MAVS: variants seen among roughly 807,000 people sequenced by gnomAD.
MAVS encodes mitochondrial antiviral signaling protein.
Under a neutral mutation model 30.2 loss-of-function variants are expected in MAVS, and 20 were observed. That is an observed-to-expected ratio of 0.66 (90% CI 0.47 to 0.96). MAVS has a LOEUF of 0.96. Ranked by LOEUF, MAVS falls within the 40% of genes least tolerant of loss-of-function variation. The pLI, the probability that MAVS is intolerant of heterozygous loss-of-function variation, is 0.00. For synonymous variants in MAVS, 278 were observed against 293.9 expected (o/e 0.95, Z 0.55); for missense variants, 624 against 701.1 (o/e 0.89, Z 1.24).
chr20:3,851,811 C>T (rs2089762333), intron 1 of MAVS, among the ~76,000 whole-genome samples: 1 of 151,830 alleles, frequency 6.6e-6, no homozygotes, highest in Non-Finnish European at 1.5e-5. Context: ...CAAAATTAAC[C>T]AGGTGTGGTG....
intron 1 of MAVS, among the ~76,000 whole-genome samples, chr20:3,847,130 A>G (rs2089715816): frequency 6.6e-6 from 1 of 152,106 alleles, no homozygotes; most frequent in Non-Finnish European, 1.5e-5. Context: ...ATCCGGGGAA[A>G]AGGGGGTAGG....
chr20:3,858,198 T>G (rs1338305032), intron 3 of MAVS, among the ~76,000 whole-genome samples: 2 of 152,020 alleles, frequency 1.3e-5, no homozygotes, highest in African/African-American at 4.8e-5. Context: ...TCCTCATTTC[T>G]TCTCCCCCAC....
At chr20:3,856,353 ATT>A (rs56232181) in intron 2 of MAVS, among the ~76,000 whole-genome samples, 4 of 101,416 alleles carry the variant, frequency 3.9e-5, no homozygotes, top group African/African-American at 4.2e-5. Flanking sequence ...TGCGCCCAGC[ATT>A]TTTTTTTTTT....
intron 3 of MAVS, among the ~76,000 whole-genome samples, chr20:3,860,373 ATTTTTTTTTT>A (rs36084316): frequency 1.6e-5 from 2 of 125,072 alleles, no homozygotes; most frequent in Non-Finnish European, 3.4e-5. Flanking sequence ...GATTCCTTCT[ATTTTTTTTTT>A]TTTTTTTTGA....
Position 3,852,008 on chromosome 20 carries a change from C to CT in MAVS, c.-67-2550_-67-2549insT, listed in dbSNP as rs1282702576. 1.1e-4 allele frequency among the ~76,000 whole-genome samples: 3 copies of CT among 26,322 alleles called. No homozygotes were observed. The African/African-American group carries it at 2.9e-3, about 25-fold the overall frequency. 17.3% of individuals were successfully genotyped at this position (26,322 alleles called of 152,430 possible). A position where few individuals can be genotyped will look rare whatever the true frequency, so the allele number is the denominator to read the frequency against. ...TAGCAGGCTTTTTTTTTTTTTTTTT[C>CT]CCCCGAGACGGAATCTGGCTCTGTC... is the stretch of plus-strand genomic sequence containing the variant. On this transcript the variant is annotated intron_variant, in intron 1 of 6. Coordinates refer to ENST00000428216, the MANE Select transcript of MAVS (RefSeq NM_020746.5).
rs558718997 is a variant in MAVS at position 3,874,658 on chromosome 20, T to C, written c.*8511T>C. On this transcript the variant is annotated 3_prime_UTR_variant, in exon 7 of 7. Transcript: ENST00000428216. ...GAAGAGGGGGTGTGGTGGCTGGGGATTGGGAAGAAGCTGGCAGCCACTAAG... is the reference window on the plus strand; with the variant it reads ...GAAGAGGGGGTGTGGTGGCTGGGGACTGGGAAGAAGCTGGCAGCCACTAAG... The C allele has an allele frequency of 1.6e-3, 245 of 156,428 alleles. No individual in the cohort carries two copies. The highest frequency in any genetic ancestry group is 5.2e-3 in the African/African-American group (217 of 41,664). The allele number at this position is 156,428 out of a possible 1,614,324, so 9.7% of individuals were successfully genotyped here.
chr20:3,870,787 CAA>C lies in MAVS; in HGVS notation c.*4642_*4643del, dbSNP rs1168673557. 1 of 148,806 alleles carries C rather than the reference CAA, an allele frequency of 6.7e-6. No individual in the cohort carries two copies. Among genetic ancestry groups the C allele is most frequent in the Non-Finnish European group, 1.5e-5 (1 of 67,624 alleles). The allele number at this position is 148,806 out of a possible 1,614,324, so 9.2% of individuals were successfully genotyped here. ...CAAAAAAGTAGAGAGAGTAGAATAA[CAA>C]ATCCCCATGAGCCCATCACCCAACT... On this transcript the variant is annotated 3_prime_UTR_variant, in exon 7 of 7. Transcript: ENST00000428216.
chr20:3,853,106 T>TG (rs1197844189), intron 1 of MAVS, among the ~76,000 whole-genome samples: 1 of 148,962 alleles, frequency 6.7e-6, no homozygotes, highest in African/African-American at 2.4e-5. Context: ...CCCAACGTGC[T>TG]GGGGTTACAG....
chr20:3,862,306 C>T lies in MAVS; in HGVS notation c.518C>T (p.Pro173Leu), dbSNP rs2089872847. The T allele has an allele frequency of 1.2e-6, 2 of 1,614,112 alleles. No homozygotes were observed. The highest frequency in any genetic ancestry group is 1.7e-6 in the Non-Finnish European group (2 of 1,180,026). ...TLSPRAIPRN[P>L]DGGPLESSSD... ...AGCCCCAGAGCCATCCCAAGGAATC[C>T]AGATGGTGGCCCCCTGGAGTCCTCC... Residue 173 changes from proline to leucine, a missense_variant, in exon 5 of 7, where the codon CCA becomes CTA. Transcript: ENST00000428216.
intron 1 of MAVS, among the ~76,000 whole-genome samples, chr20:3,847,169 GA>G (rs1278579650): frequency 4.6e-5 from 7 of 152,192 alleles, no homozygotes; most frequent in Non-Finnish European, 2.9e-5. Context: ...CAGGCTGGGG[GA>G]AAGGTAGGGC....
At chr20:3,857,947 G>A (rs1321912240) in intron 3 of MAVS, 138 bp downstream of exon 3, 1 of 985,444 alleles carries the variant, frequency 1.0e-6, no homozygotes, top group Non-Finnish European at 1.6e-6. Flanking sequence ...AAACCTGGGT[G>A]TAGATCCAGG....
chr20:3,864,505 ACT>A lies in MAVS; in HGVS notation c.880_881del (p.Leu294AlafsTer35). On this transcript the variant is annotated frameshift_variant, in exon 6 of 7. Transcript: ENST00000428216. LOFTEE classifies it high-confidence loss of function. Reference sequence around the variant, plus strand: ...TCCAGTGGGGCAGAGGCACCTGCCAACTCTCTGCCCTCCAAAGTGCCTACCAC... The same window carrying A: ...TCCAGTGGGGCAGAGGCACCTGCCAACTCTGCCCTCCAAAGTGCCTACCAC... The A allele has an allele frequency of 6.2e-7, 1 of 1,613,938 alleles. No homozygotes were observed. The highest frequency in any genetic ancestry group is 8.5e-7 in the Non-Finnish European group (1 of 1,179,996).
intron 3 of MAVS, among the ~76,000 whole-genome samples, chr20:3,858,341 C>G (rs544752892): frequency 6.6e-6 from 1 of 152,046 alleles, no homozygotes; most frequent in African/African-American, 2.4e-5. Context: ...TCTGAGTGCT[C>G]GGAGGCGATT....
chr20:3,849,781 G>C (rs1158791481), intron 1 of MAVS, among the ~76,000 whole-genome samples: 3 of 152,074 alleles, frequency 2.0e-5, no homozygotes, highest in African/African-American at 7.2e-5. Context: ...ACTCTTATTT[G>C]GGTATTAATT....
rs753709041 is a variant in MAVS, at chr20:3,861,314, T to G, written c.293-18T>G. The G allele has an allele frequency of 4.4e-6, 7 of 1,599,082 alleles. No homozygotes were observed. The highest frequency in any genetic ancestry group is 6.0e-6 in the Non-Finnish European group (7 of 1,171,778). ...AGCCCTGATTCCTTCTTGATATCAC[T>G]ACATCTTTGTCCTCTAGGGACCTCG... is the stretch of plus-strand genomic sequence containing the variant. On this transcript the variant is annotated intron_variant, in intron 3 of 6. Coordinates refer to ENST00000428216, the MANE Select transcript of MAVS (RefSeq NM_020746.5).
chr20:3,853,709 G>C (rs2089784366), intron 1 of MAVS, among the ~76,000 whole-genome samples: 1 of 152,030 alleles, frequency 6.6e-6, no homozygotes, highest in Non-Finnish European at 1.5e-5. Flanking sequence ...CGGGAGGATT[G>C]CTTGAGCCCA....
At chr20:3,864,919 T>TGAG in intron 6 of MAVS, 131 bp downstream of exon 6, 2 of 1,111,170 alleles carry the variant, frequency 1.8e-6, no homozygotes, top group Non-Finnish European at 2.6e-6. Context: ...GGCCTCTCCT[T>TGAG]GAGGGCATAC....
chr20:3,853,356 G>A lies in MAVS; in HGVS notation c.-67-1202G>A, dbSNP rs573217867. ...AAAAAATTAGCCGGGCGTGGTGGCG[G>A]GCGCCTGTCGTCCCAGCTACTCAGG... On this transcript the variant is annotated intron_variant, in intron 1 of 6. Coordinates refer to ENST00000428216, the MANE Select transcript of MAVS (RefSeq NM_020746.5). Among the ~76,000 whole-genome samples, 4 of 151,320 alleles carry A rather than the reference G, an allele frequency of 2.6e-5. No homozygotes were observed. The East Asian group carries it at 8.1e-4, about 31-fold the overall frequency.
rs2146780573 is a variant in MAVS, at chr20:3,867,875, G to A, written c.*1728G>A. The A allele has an allele frequency of 6.6e-6, 1 of 152,412 alleles. No homozygotes were observed. The highest frequency in any genetic ancestry group is 6.5e-5 in the Admixed American group (1 of 15,272). The allele number at this position is 152,412 out of a possible 1,614,324, so 9.4% of individuals were successfully genotyped here. ...AGAAACACATTGGGGTGGATTGGGGGTATCCTTATGGGTTCTTTTCAGGGA... is the reference window on the plus strand; with the variant it reads ...AGAAACACATTGGGGTGGATTGGGGATATCCTTATGGGTTCTTTTCAGGGA... On this transcript the variant is annotated 3_prime_UTR_variant, in exon 7 of 7. Transcript: ENST00000428216.
Sources: allele counts gnomAD v4.1 joint callset (sites outside exome capture counted in the v4.1 genomes callset), GRCh38; gene constraint gnomAD v4.1.1; transcripts MANE v1.5; gene names NCBI Gene and HGNC (gene_info 2026-07-23, HGNC 2026-07-21).